The following CLEC1A variants were observed in gnomAD, a reference collection of about 807,000 sequenced individuals.
CLEC1A encodes the protein C-type lectin domain family 1 member A.
In CLEC1A, 34 loss-of-function variants were observed where a neutral mutation model predicts 28.7. The ratio of observed to expected loss-of-function variants is 1.18; its 90% CI spans 0.90 to 1.57. The LOEUF is 1.57. Ranked by LOEUF, CLEC1A falls within the 40% of genes most tolerant of loss-of-function variation. CLEC1A has a pLI of 0.00. For synonymous variants in CLEC1A, 116 were observed against 121.0 expected (o/e 0.96, Z 0.27); for missense variants, 385 against 339.5 (o/e 1.13, Z -1.05).
chr12:10,093,373 G>GAA (rs3052137), intron 1 of CLEC1A, among the ~76,000 whole-genome samples: 5,066 of 130,670 alleles, frequency 0.039, 311 homozygotes, highest in African/African-American at 0.12. Flanking sequence ...GATATATATA[G>GAA]AAAAAAAAAA....
intron 1 of CLEC1A, among the ~76,000 whole-genome samples, chr12:10,094,226 G>C (rs1039072723): frequency 2.6e-4 from 39 of 152,058 alleles, no homozygotes; most frequent in Admixed American, 1.6e-3. Context: ...AATTTCTTGA[G>C]TTACTGAGAA....
At chr12:10,090,296 G>A (rs1271188361) in intron 1 of CLEC1A, among the ~76,000 whole-genome samples, 1 of 152,186 alleles carries the variant, frequency 6.6e-6, no homozygotes, top group Non-Finnish European at 1.5e-5. Context: ...AGATTTTCCA[G>A]GCTGGAGTGC....
chr12:10,083,937 A>G lies in CLEC1A; in HGVS notation c.215-2524T>C, dbSNP rs559660918. 3.9e-5 allele frequency among the ~76,000 whole-genome samples: 6 copies of G among 152,328 alleles called. No homozygotes were observed. In the South Asian group the frequency reaches 1.2e-3, roughly 32 times the overall value. ...AACAATAGACTAGAACAAGGAGAAG[A>G]GAGAATTTCAGAGCTTGAAGACAAG... is the stretch of plus-strand genomic sequence containing the variant. On this transcript the variant is annotated intron_variant, in intron 2 of 5. Coordinates refer to ENST00000315330, the MANE Select transcript of CLEC1A (RefSeq NM_016511.4).
chr12:10,078,448 A>G (rs1457858569), intron 3 of CLEC1A, among the ~76,000 whole-genome samples: 2 of 152,130 alleles, frequency 1.3e-5, no homozygotes, highest in Admixed American at 6.5e-5. Flanking sequence ...AACTCCCTCA[A>G]CTTTTCAAGT....
intron 3 of CLEC1A, among the ~76,000 whole-genome samples, chr12:10,076,728 G>C (rs1866260457): frequency 6.6e-6 from 1 of 152,146 alleles, no homozygotes; most frequent in Non-Finnish European, 1.5e-5. Flanking sequence ...GTAAAAAACA[G>C]AGTCCAGTTT....
chr12:10,073,513 G>A (rs1273518191), intron 4 of CLEC1A, 102 bp from the exon 5 acceptor site: 4 of 777,916 alleles, frequency 5.1e-6, no homozygotes, highest in Non-Finnish European at 8.7e-6. Context: ...GCACACACAA[G>A]TCCTGCTTCA....
intron 5 of CLEC1A, among the ~76,000 whole-genome samples, chr12:10,071,906 G>A (rs1021218772): frequency 3.3e-5 from 5 of 152,176 alleles, no homozygotes; most frequent in Non-Finnish European, 7.3e-5. Flanking sequence ...AATGGTGTCT[G>A]TTCAAATATG....
chr12:10,097,286 T>C (rs1947789930), intron 1 of CLEC1A, among the ~76,000 whole-genome samples: 1 of 152,246 alleles, frequency 6.6e-6, no homozygotes, highest in Non-Finnish European at 1.5e-5. Flanking sequence ...CAGCTCTTAA[T>C]GGTATCACAT....
At chr12:10,096,524 G>T (rs1358641397) in intron 1 of CLEC1A, among the ~76,000 whole-genome samples, 5 of 152,018 alleles carry the variant, frequency 3.3e-5, no homozygotes, top group Non-Finnish European at 7.4e-5. Context: ...CAGCCAGGAA[G>T]GTCTTTCCAA....
intron 1 of CLEC1A, among the ~76,000 whole-genome samples, chr12:10,090,003 T>G (rs1866578867): frequency 1.3e-5 from 2 of 152,182 alleles, no homozygotes; most frequent in Admixed American, 6.5e-5. Flanking sequence ...AGTAGACCCC[T>G]CACCTAGTGA....
intron 2 of CLEC1A, among the ~76,000 whole-genome samples, chr12:10,085,876 G>A (rs1866483252): frequency 6.6e-6 from 1 of 152,170 alleles, no homozygotes; most frequent in African/African-American, 2.4e-5. Context: ...AACAACTGCA[G>A]AGTATGCATT....
intron 3 of CLEC1A, among the ~76,000 whole-genome samples, chr12:10,079,128 T>G (rs980487667): frequency 2.0e-5 from 3 of 152,204 alleles, no homozygotes; most frequent in Admixed American, 6.5e-5. Context: ...TCAATATACT[T>G]ACTTCTACTA....
Position 10,069,739 on chromosome 12 carries a change from A to G in CLEC1A, c.*1594T>C, listed in dbSNP as rs1485917999. 2 of 152,124 alleles carry G rather than the reference A, an allele frequency of 1.3e-5. No individual in the cohort carries two copies. Among genetic ancestry groups the G allele is most frequent in the Non-Finnish European group, 2.9e-5 (2 of 68,040 alleles). The allele number at this position is 152,124 out of a possible 1,614,324, so 9.4% of individuals were successfully genotyped here. ...TACAGTTTTCTTTGCATGACACAATATATCAACAGAACTTGCTCGACCCTG... is the reference window on the plus strand; with the variant it reads ...TACAGTTTTCTTTGCATGACACAATGTATCAACAGAACTTGCTCGACCCTG... On this transcript the variant is annotated 3_prime_UTR_variant, in exon 6 of 6. Transcript: ENST00000315330.
intron 1 of CLEC1A, among the ~76,000 whole-genome samples, chr12:10,095,565 A>C (rs1947766353): frequency 6.6e-6 from 1 of 152,342 alleles, no homozygotes; most frequent in East Asian, 1.9e-4. Flanking sequence ...AAAGAAAAAG[A>C]GAAAATGACT....
intron 5 of CLEC1A, among the ~76,000 whole-genome samples, chr12:10,072,241 G>C (rs1253058156): frequency 1.3e-5 from 2 of 152,146 alleles, no homozygotes; most frequent in African/African-American, 4.8e-5. Context: ...TTCGCCTTCT[G>C]CCATGAGTAA....
At chr12:10,079,996 C>T (rs1866333028) in intron 3 of CLEC1A, among the ~76,000 whole-genome samples, 1 of 152,090 alleles carries the variant, frequency 6.6e-6, no homozygotes, top group African/African-American at 2.4e-5. Flanking sequence ...AGTATGCACA[C>T]TGGGCTTTGT....
At chr12:10,096,514 C>CA (rs1302244070) in intron 1 of CLEC1A, among the ~76,000 whole-genome samples, 5 of 152,158 alleles carry the variant, frequency 3.3e-5, no homozygotes, top group Non-Finnish European at 7.4e-5. Flanking sequence ...ATTTCCATTG[C>CA]AGCCAGGAAG....
chr12:10,090,322 G>A (rs917874026), intron 1 of CLEC1A, among the ~76,000 whole-genome samples: 8 of 152,196 alleles, frequency 5.3e-5, no homozygotes, highest in South Asian at 2.1e-4. Context: ...CGAGATCTCA[G>A]CTCACTGCAA....
chr12:10,085,515 C>T (rs1481279191), intron 2 of CLEC1A, among the ~76,000 whole-genome samples: 1 of 115,332 alleles, frequency 8.7e-6, no homozygotes, highest in East Asian at 2.5e-4. Context: ...TCAGACAAAA[C>T]AGACATTAAA....
Sources: gnomAD v4.1 joint callset for allele counts (sites outside exome capture counted in the v4.1 genomes callset) on GRCh38, gnomAD v4.1.1 for gene constraint, MANE v1.5 for transcripts, NCBI Gene and HGNC (gene_info 2026-07-23, HGNC 2026-07-21) for gene names.